The following SIGLEC10 variants were observed in gnomAD, a reference collection of about 807,000 sequenced individuals.
SIGLEC10 encodes the protein sialic acid binding Ig like lectin 10.
A neutral mutation model predicts 68.3 loss-of-function variants in SIGLEC10; 45 were observed. That is an observed-to-expected ratio of 0.66 (90% CI 0.52 to 0.84). The LOEUF is 0.84. Among genes scored for constraint, SIGLEC10 ranks in the 40% least tolerant of loss-of-function variants. The probability of loss-of-function intolerance (pLI) is 0.00; values close to 1 mark genes in which losing one functional copy is unlikely to be tolerated. For synonymous variants in SIGLEC10, 379 were observed against 370.8 expected, an observed-to-expected ratio of 1.02 and a Z score of -0.26; for missense variants, 789 against 883.1, an observed-to-expected ratio of 0.89 and a Z score of 1.35.
rs761096008 is a variant in SIGLEC10, at chr19:51,416,299, G to A, written c.754+11C>T. On this transcript the variant is annotated intron_variant, in intron 4 of 10. Transcript: ENST00000339313. ...CAACTGGCCCAGCCCCAGCCCGACG[G>A]CCCTCAGTACCTGGCGTGTTGTCAC... 6.2e-7 allele frequency: 1 copy of A among 1,613,948 alleles called. No individual in the cohort carries two copies. The highest frequency in any genetic ancestry group is 8.5e-7 in the Non-Finnish European group (1 of 1,179,984).
Position 51,417,208 on chromosome 19 carries a change from C to G in SIGLEC10, c.295G>C (p.Gly99Arg). 1.2e-6 allele frequency: 2 copies of G among 1,614,252 alleles called. No homozygotes were observed. The highest frequency in any genetic ancestry group is 1.7e-6 in the Non-Finnish European group (2 of 1,180,042). The change falls in exon 2 of 11, where the codon GGG (glycine) becomes CGG (arginine). Residue 99 changes from glycine (G) to arginine (R), a missense_variant. Coordinates refer to ENST00000339313, the MANE Select transcript of SIGLEC10 (RefSeq NM_033130.5). ...TCTCTGATCACCAAGGAGCAGTTCC[C>G]CTTGGCGGGATCCCCAGTGAGCTGG... is the stretch of plus-strand genomic sequence containing the variant. ...RFQLTGDPAK[G>R]NCSLVIRDAQ...
Position 51,417,408 on chromosome 19 carries a change from G to A in SIGLEC10, c.95C>T (p.Pro32Leu), listed in dbSNP as rs755511313. Residue 32 changes from proline (P) to leucine (L), a missense_variant, in exon 2 of 11, where the codon CCG (proline) becomes CTG (leucine). Pro to Leu is a moderately conservative substitution (Grantham distance 98). Coordinates refer to ENST00000339313, the MANE Select transcript of SIGLEC10 (RefSeq NM_033130.5). ...GGGCACAGAGATGCACAGGCCCTCC[G>A]GCACCATCACTGACTCCTGCACTCG... Reference protein sequence around the residue: ...WIRVQESVMVPEGLCISVPCS... With the variant: ...WIRVQESVMVLEGLCISVPCS... 9 of 1,614,176 alleles carry A rather than the reference G, an allele frequency of 5.6e-6. No homozygotes were observed. The highest frequency in any genetic ancestry group is 2.2e-5 in the East Asian group (1 of 44,882).
chr19:51,417,462 G>T lies in SIGLEC10; in HGVS notation c.41C>A (p.Ser14Tyr), dbSNP rs1277254646. 6.2e-7 allele frequency: 1 copy of T among 1,613,840 alleles called. No homozygotes were observed. Among genetic ancestry groups the T allele is most frequent in the South Asian group, 1.1e-5 (1 of 91,056 alleles). The change falls in exon 2 of 11, where the codon TCC becomes TAC. Residue 14 changes from serine to tyrosine, a missense_variant. Ser to Tyr is a moderately radical substitution (Grantham distance 144). Transcript: ENST00000339313. ...CCAGAATCTCCCATCCATAGCCTGG[G>T]ACCCTGTGGGGAGACAGAGGCTCAA... Reference protein sequence around the residue: ...PLLLSSLLGGSQAMDGRFWIR... With the variant: ...PLLLSSLLGGYQAMDGRFWIR...
rs1369436101 is a variant in SIGLEC10, at chr19:51,413,784, G to A, written c.1749C>T (p.Thr583=). ...ILPKRRTQTE[T]PRPRFSRHST... ...TGTGCCGGGAGAACCTGGGCCTCGG[G>A]GTTTCTGTCTGAGTCCGTCTCTTCG... Residue 583 remains threonine, a synonymous_variant, in exon 10 of 11, where the codon ACC becomes ACT. Transcript: ENST00000339313. 1.2e-6 allele frequency: 2 copies of A among 1,613,974 alleles called. No homozygotes were observed. Among genetic ancestry groups the A allele is most frequent in the Admixed American group, 1.7e-5 (1 of 59,988 alleles).
At position 51,416,345 on chromosome 19, in the gene SIGLEC10, T is replaced by C; in HGVS notation, c.719A>G (p.Asp240Gly). 6.2e-7 allele frequency: 1 copy of C among 1,613,882 alleles called. No homozygotes were observed. Among genetic ancestry groups the C allele is most frequent in the East Asian group, 2.2e-5 (1 of 44,852 alleles). ...GTCACGTGAAATGCTGATAACAAGG[T>C]CTCTGGGGGCATCTGCAACAAGATT... The part of the protein sequence containing the change: ...VRLRVAYAPR[D>G]LVISISRDNT... Residue 240 changes from aspartate to glycine, a missense_variant, in exon 4 of 11, where the codon GAC becomes GGC. Asp to Gly is a moderately conservative substitution (Grantham distance 94). Coordinates refer to ENST00000339313, the MANE Select transcript of SIGLEC10 (RefSeq NM_033130.5).
rs755522794 is a variant in SIGLEC10 at position 51,415,053 on chromosome 19, G to A, written c.1386C>T (p.Cys462=). The A allele has an allele frequency of 5.0e-6, 8 of 1,600,502 alleles. No homozygotes were observed. Among genetic ancestry groups the A allele is most frequent in the South Asian group, 2.2e-5 (2 of 89,940 alleles). ...CCGGGCTGGCCTGGGAGGAGCAGCT[G>A]CAGTGCAGACCCTCAGCCTCCCAGG... ...SCSWEAEGLH[C]SCSSQASPAP... is the part of the protein sequence containing the mutation. The change falls in exon 8 of 11, where the codon TGC becomes TGT. Residue 462 remains cysteine (C), a synonymous_variant. Transcript: ENST00000339313.
chr19:51,417,502 C>T (rs375919606), intron 1 of SIGLEC10, 37 bp from the exon 2 acceptor site: 3 of 1,614,020 alleles, frequency 1.9e-6, no homozygotes, highest in Non-Finnish European at 2.5e-6. Flanking sequence ...CAACCCCAGC[C>T]CTAGCTCCGC....
Position 51,416,797 on chromosome 19 carries a change from G to T in SIGLEC10, c.575C>A (p.Pro192Gln), listed in dbSNP as rs770768237. 3.1e-6 allele frequency: 5 copies of T among 1,614,090 alleles called. No homozygotes were observed. The African/African-American group carries it at 6.7e-5, about 22-fold the overall frequency. Reference sequence around the variant, plus strand: ...GAGCACTGAGAAGTGGGAGGTCGTTGGTTTGGTTCCTTGGGAGGAGAGGGC... The same window carrying T: ...GAGCACTGAGAAGTGGGAGGTCGTTTGTTTGGTTCCTTGGGAGGAGAGGGC... ...GAALSSQGTK[P>Q]TTSHFSVLSF... Residue 192 changes from proline to glutamine, a missense_variant, in exon 3 of 11, where the codon CCA becomes CAA. Transcript: ENST00000339313.
rs779252691 is a variant in SIGLEC10, at chr19:51,415,917, G to A, written c.1005C>T (p.Ala335=). 7 of 1,613,076 alleles carry A rather than the reference G, an allele frequency of 4.3e-6. No individual in the cohort carries two copies. In the South Asian group the frequency reaches 6.6e-5, roughly 15 times the overall value. The change falls in exon 5 of 11, where the codon GCC becomes GCT. Residue 335 remains alanine, a synonymous_variant. Transcript: ENST00000339313. ...AENRLGSQQR[A]LDLSVQYPPE... ...ACTCACACTGCACAGAGAGGTCCAGGGCTCGCTGCTGGGAGCCAAGCCTGT... is the reference window on the plus strand; with the variant it reads ...ACTCACACTGCACAGAGAGGTCCAGAGCTCGCTGCTGGGAGCCAAGCCTGT...
rs767861638 is a variant in SIGLEC10, at chr19:51,417,152, G to A, written c.351C>T (p.Phe117=). 23 of 1,614,080 alleles carry A rather than the reference G, an allele frequency of 1.4e-5. No individual in the cohort carries two copies. The highest frequency in any genetic ancestry group is 3.3e-5 in the Admixed American group (2 of 60,000). The change falls in exon 2 of 11, where the codon TTC becomes TTT. Residue 117 remains phenylalanine (F), a synonymous_variant. Coordinates refer to ENST00000339313, the MANE Select transcript of SIGLEC10 (RefSeq NM_033130.5). ...CATAGCTTCCTCTCTCCACCCGAAAGAAGTACTGTGACTCATCCTGCATCT... is the reference window on the plus strand; with the variant it reads ...CATAGCTTCCTCTCTCCACCCGAAAAAAGTACTGTGACTCATCCTGCATCT... ...DAQMQDESQY[F]FRVERGSYVR... is the part of the protein sequence containing the mutation.
Position 51,417,449 on chromosome 19 carries a change from A to T in SIGLEC10, c.54T>A (p.Asp18Glu). Residue 18 changes from aspartate (D) to glutamate (E), a missense_variant, in exon 2 of 11, where the codon GAT (aspartate) becomes GAA (glutamate). Physicochemically the swap from Asp to Glu is conservative, Grantham distance 45 (BLOSUM62 2). Transcript: ENST00000339313. ...SSLLGGSQAMDGRFWIRVQES... is the reference protein window; with the variant it reads ...SSLLGGSQAMEGRFWIRVQES... ...CCTGCACTCGTATCCAGAATCTCCCATCCATAGCCTGGGACCCTGTGGGGA... is the reference window on the plus strand; with the variant it reads ...CCTGCACTCGTATCCAGAATCTCCCTTCCATAGCCTGGGACCCTGTGGGGA... 6.2e-7 allele frequency: 1 copy of T among 1,613,796 alleles called. No homozygotes were observed. Among genetic ancestry groups the T allele is most frequent in the Non-Finnish European group, 8.5e-7 (1 of 1,179,730 alleles).
chr19:51,413,724 C>T lies in SIGLEC10; in HGVS notation c.1809G>A (p.Thr603=), dbSNP rs144827503. ...TILDYINVVP[T]AGPLAQKRNQ... ...CCCAGACACTCACCAGGGGGCCAGC[C>T]GTCGGGACCACATTGATGTAATCCA... Residue 603 remains threonine (T), a synonymous_variant, in exon 10 of 11, where the codon ACG becomes ACA. Coordinates refer to ENST00000339313, the MANE Select transcript of SIGLEC10 (RefSeq NM_033130.5). The T allele has an allele frequency of 2.1e-4, 339 of 1,613,984 alleles. 2 individuals carry two copies. The African/African-American group carries it at 4.1e-3, about 19-fold the overall frequency.
Position 51,411,446 on chromosome 19 carries a change from T to C in SIGLEC10, c.1822-75A>G, listed in dbSNP as rs539058616. Reference sequence around the variant, plus strand: ...GCACTTACCACGCGTCGGGCACTGATTTACAGCACAGAGTGAAACTAAGTC... The same window carrying C: ...GCACTTACCACGCGTCGGGCACTGACTTACAGCACAGAGTGAAACTAAGTC... On this transcript the variant is annotated intron_variant, in intron 10 of 10. Transcript: ENST00000339313. 176 of 1,562,048 alleles carry C rather than the reference T, an allele frequency of 1.1e-4. No homozygotes were observed. In the African/African-American group the frequency reaches 2.2e-3, roughly 19 times the overall value.
Position 51,415,981 on chromosome 19 carries a change from T to C in SIGLEC10, c.941A>G (p.Lys314Arg), listed in dbSNP as rs201089294. 11,787 of 1,599,404 alleles carry C rather than the reference T, an allele frequency of 7.4e-3. 112 individuals carry two copies. The highest frequency in any genetic ancestry group is 9.7e-3 in the Middle Eastern group (55 of 5,650). The change falls in exon 5 of 11, where the codon AAG (lysine) becomes AGG (arginine). Residue 314 changes from lysine to arginine, a missense_variant. Coordinates refer to ENST00000339313, the MANE Select transcript of SIGLEC10 (RefSeq NM_033130.5). ...RPLGLELPGV[K>R]AGDSGRYTCR... ...GGTGTAGCGCCCTGAATCCCCAGCC[T>C]TCACCCCGGGCAGCTCCAGCCCCAG...
chr19:51,417,172 G>T lies in SIGLEC10; in HGVS notation c.331C>A (p.Gln111Lys). 6.2e-7 allele frequency: 1 copy of T among 1,614,212 alleles called. No homozygotes were observed. Among genetic ancestry groups the T allele is most frequent in the Non-Finnish European group, 8.5e-7 (1 of 1,180,024 alleles). Reference sequence around the variant, plus strand: ...CGAAAGAAGTACTGTGACTCATCCTGCATCTGCGCGTCTCTGATCACCAAG... The same window carrying T: ...CGAAAGAAGTACTGTGACTCATCCTTCATCTGCGCGTCTCTGATCACCAAG... Reference protein sequence around the residue: ...CSLVIRDAQMQDESQYFFRVE... With the variant: ...CSLVIRDAQMKDESQYFFRVE... Residue 111 changes from glutamine (Q) to lysine (K), a missense_variant, in exon 2 of 11, where the codon CAG becomes AAG. By Grantham distance (53) the Gln-to-Lys change is moderately conservative (BLOSUM62 1). Coordinates refer to ENST00000339313, the MANE Select transcript of SIGLEC10 (RefSeq NM_033130.5).
Position 51,417,477 on chromosome 19 carries a change from C to CAGAG in SIGLEC10, c.38-16_38-13dup. 6.2e-7 allele frequency: 1 copy of CAGAG among 1,613,684 alleles called. No homozygotes were observed. Among genetic ancestry groups the CAGAG allele is most frequent in the Non-Finnish European group, 8.5e-7 (1 of 1,179,714 alleles). ...CATAGCCTGGGACCCTGTGGGGAGA[C>CAGAG]AGAGGCTCAACCTGCAACCCCAGCC... is the stretch of plus-strand genomic sequence containing the variant. On this transcript the variant is annotated splice_polypyrimidine_tract_variant and intron_variant, in intron 1 of 10. Coordinates refer to ENST00000339313, the MANE Select transcript of SIGLEC10 (RefSeq NM_033130.5).
At chr19:51,415,464 T>G in intron 6 of SIGLEC10, 26 bp from the exon 7 acceptor site, 1 of 1,610,144 alleles carries the variant, frequency 6.2e-7, no homozygotes, top group Non-Finnish European at 8.5e-7. Flanking sequence ...GCAGAATCGA[T>G]GAGCAGCTCA....
At position 51,416,796 on chromosome 19, in the gene SIGLEC10, T is replaced by G; in HGVS notation, c.576A>C (p.Pro192=). The change falls in exon 3 of 11, where the codon CCA becomes CCC. Residue 192 remains proline (P), a synonymous_variant. Coordinates refer to ENST00000339313, the MANE Select transcript of SIGLEC10 (RefSeq NM_033130.5). ...TGAGCACTGAGAAGTGGGAGGTCGT[T>G]GGTTTGGTTCCTTGGGAGGAGAGGG... ...GAALSSQGTK[P]TTSHFSVLSF... 1 of 1,614,156 alleles carries G rather than the reference T, an allele frequency of 6.2e-7. No homozygotes were observed. The highest frequency in any genetic ancestry group is 8.5e-7 in the Non-Finnish European group (1 of 1,180,022).
intron 4 of SIGLEC10, 64 bp from the exon 5 acceptor site, chr19:51,416,231 A>G (rs1168894591): frequency 3.1e-6 from 5 of 1,611,812 alleles, no homozygotes; most frequent in Non-Finnish European, 3.4e-6. Flanking sequence ...GGGTACAGGG[A>G]GGAGCACATC....
Sources: allele counts gnomAD v4.1 joint callset, GRCh38; gene constraint gnomAD v4.1.1; transcripts MANE v1.5; gene names NCBI Gene and HGNC (gene_info 2026-07-23, HGNC 2026-07-21).